Variants in SPMIP2 observed in about 807,000 individuals in gnomAD.
The protein encoded by SPMIP2 is sperm microtubule inner protein 2.
chr4:158,990,254 T>C, the SPMIP2 span, among the ~76,000 whole-genome samples: 1 of 152,168 alleles, frequency 6.6e-6, no homozygotes, highest in Admixed American at 6.5e-5. Context: ...TGTGTAGAAA[T>C]AGGAATGCTT....
At chr4:158,934,174 G>C in the SPMIP2 span, among the ~76,000 whole-genome samples, 1 of 152,050 alleles carries the variant, frequency 6.6e-6, no homozygotes, top group African/African-American at 2.4e-5. Flanking sequence ...TATAAAATAG[G>C]AACAGGTCAG....
At chr4:159,035,168 G>A in the SPMIP2 span, 33 of 1,285,560 alleles carry the variant, frequency 2.6e-5, no homozygotes, top group Middle Eastern at 1.8e-4. Flanking sequence ...GCACCAGAAA[G>A]AACGAAAGAC....
the SPMIP2 span, among the ~76,000 whole-genome samples, chr4:158,952,783 T>C: frequency 6.6e-6 from 1 of 152,092 alleles, no homozygotes. Flanking sequence ...CTCAGATGGA[T>C]ATGAGGAACT....
At chr4:158,920,127 A>G in the SPMIP2 span, among the ~76,000 whole-genome samples, 5 of 152,234 alleles carry the variant, frequency 3.3e-5, no homozygotes, top group African/African-American at 1.2e-4. Context: ...CCTAAATAAT[A>G]CTTTTATAAT....
the SPMIP2 span, among the ~76,000 whole-genome samples, chr4:158,973,983 C>CAAAAAAAAA: frequency 1.5e-5 from 1 of 64,974 alleles, no homozygotes; most frequent in Non-Finnish European, 2.6e-5. Context: ...AAGGCCACCT[C>CAAAAAAAAA]AAAAAAAAAA....
the SPMIP2 span, among the ~76,000 whole-genome samples, chr4:159,066,643 T>C: frequency 1.3e-5 from 2 of 148,828 alleles, no homozygotes; most frequent in East Asian, 1.9e-4. Flanking sequence ...TTGAGTAATA[T>C]ATATCTCAAC....
At chr4:158,906,459 T>C in the SPMIP2 span, 1 of 152,236 alleles carries the variant, frequency 6.6e-6, no homozygotes, top group Non-Finnish European at 1.5e-5. Flanking sequence ...CATAGTGGCA[T>C]GTTCATAATT....
chr4:158,979,543 C>G, the SPMIP2 span, among the ~76,000 whole-genome samples: 2 of 152,186 alleles, frequency 1.3e-5, no homozygotes, highest in Non-Finnish European at 2.9e-5. Context: ...CTCACTGGAA[C>G]TGGTTAGATA....
chr4:159,013,232 T>G, the SPMIP2 span, among the ~76,000 whole-genome samples: 1 of 152,326 alleles, frequency 6.6e-6, no homozygotes, highest in South Asian at 2.1e-4. Context: ...ATCCCAGTTC[T>G]GGGTATATAC....
the SPMIP2 span, among the ~76,000 whole-genome samples, chr4:158,999,527 C>T: frequency 9.9e-5 from 15 of 152,188 alleles, no homozygotes; most frequent in Non-Finnish European, 1.9e-4. Context: ...TGTAAACCTG[C>T]TATCTGGATT....
chr4:159,040,466 C>T, the SPMIP2 span, among the ~76,000 whole-genome samples: 2 of 150,674 alleles, frequency 1.3e-5, no homozygotes, highest in African/African-American at 2.4e-5. Flanking sequence ...CCACTGCGCC[C>T]GGTCTGTATT....
chr4:159,019,568 T>C, the SPMIP2 span, among the ~76,000 whole-genome samples: 1 of 152,114 alleles, frequency 6.6e-6, no homozygotes, highest in African/African-American at 2.4e-5. Context: ...TGGAAGTGGA[T>C]GTCATGGCAC....
chr4:159,034,975 T>A, the SPMIP2 span: 1 of 1,233,544 alleles, frequency 8.1e-7, no homozygotes, highest in Non-Finnish European at 1.2e-6. Context: ...AAATCATATA[T>A]GTGAGAGAAA....
the SPMIP2 span, among the ~76,000 whole-genome samples, chr4:158,983,052 A>G: frequency 2.6e-5 from 4 of 152,348 alleles, no homozygotes; most frequent in East Asian, 7.7e-4. Context: ...ACTGGAAGAA[A>G]GGGTATCAGT....
chr4:158,936,293 G>A, the SPMIP2 span, among the ~76,000 whole-genome samples: 4 of 152,158 alleles, frequency 2.6e-5, no homozygotes, highest in Non-Finnish European at 4.4e-5. Flanking sequence ...AATATAAACC[G>A]CAGAAACAGT....
the SPMIP2 span, among the ~76,000 whole-genome samples, chr4:159,036,043 G>C: frequency 6.6e-6 from 1 of 152,150 alleles, no homozygotes; most frequent in Non-Finnish European, 1.5e-5. Context: ...ATGTTTGTGG[G>C]ATGAATAATT....
chr4:158,982,242 C>A, the SPMIP2 span, among the ~76,000 whole-genome samples: 1 of 152,148 alleles, frequency 6.6e-6, no homozygotes, highest in South Asian at 2.1e-4. Flanking sequence ...AGACACCTTA[C>A]AAAGAGATGT....
chr4:159,043,498 C>G, the SPMIP2 span, among the ~76,000 whole-genome samples: 2 of 152,150 alleles, frequency 1.3e-5, no homozygotes, highest in African/African-American at 4.8e-5. Context: ...CCAGCACCCA[C>G]CACCTTGCCT....
the SPMIP2 span, among the ~76,000 whole-genome samples, chr4:159,015,057 T>C: frequency 6.6e-6 from 1 of 152,190 alleles, no homozygotes; most frequent in African/African-American, 2.4e-5. Context: ...TACAGGAAAA[T>C]CAGCTTTGGG....
Sources: gnomAD v4.1 joint callset for allele counts (sites outside exome capture counted in the v4.1 genomes callset) on GRCh38, gnomAD v4.1.1 for gene constraint, MANE v1.5 for transcripts, NCBI Gene and HGNC (gene_info 2026-07-23, HGNC 2026-07-21) for gene names.